TPP1: variants seen among roughly 807,000 people sequenced by gnomAD.
TPP1 encodes tripeptidyl-peptidase 1.
TPP1 carries 43 observed loss-of-function variants against 67.6 expected under a neutral mutation model. The observed-to-expected ratio is 0.64, with a 90% CI of 0.50 to 0.82. The LOEUF (loss-of-function observed/expected upper bound fraction) is 0.82, where lower values mean the gene tolerates loss of function less well. Among genes scored for constraint, TPP1 ranks in the 40% least tolerant of loss-of-function variants. TPP1 has a pLI of 0.00. For missense variants in TPP1, 671 were observed against 710.9 expected (o/e 0.94, Z 0.64); for synonymous variants, 272 against 281.5 (o/e 0.97, Z 0.34).
chr11:6,616,410 TCTCCATAG>T lies in TPP1; in HGVS notation c.972_979del (p.Ser324ArgfsTer2), dbSNP rs778232650. On this transcript the variant is annotated frameshift_variant, in exon 8 of 13. Coordinates refer to ENST00000299427, the MANE Select transcript of TPP1 (RefSeq NM_000391.4). LOFTEE classifies it high-confidence loss of function. ...GGCGCTGCTGAGGGAGTCCTCATCA[TCTCCATAG>T]CTCACAGTATGCACATGTGGCAGGG... 1.2e-6 allele frequency: 2 copies of T among 1,613,792 alleles called. No homozygotes were observed. Among genetic ancestry groups the T allele is most frequent in the Non-Finnish European group, 1.7e-6 (2 of 1,179,956 alleles).
In TPP1 at chr11:6,614,992, C is replaced by A; in HGVS notation, c.1426-1G>T. The A allele has an allele frequency of 6.2e-7, 1 of 1,614,094 alleles. No homozygotes were observed. The highest frequency in any genetic ancestry group is 8.5e-7 in the Non-Finnish European group (1 of 1,180,024). ...TCCCCCCAAACACTGGAGTAGAGGCCTACAAGAGTGAAGGTGCAAGTAGAG... is the reference window on the plus strand; with the variant it reads ...TCCCCCCAAACACTGGAGTAGAGGCATACAAGAGTGAAGGTGCAAGTAGAG... On this transcript the variant is annotated splice_acceptor_variant, in intron 11 of 12. Transcript: ENST00000299427. LOFTEE classifies it high-confidence loss of function.
chr11:6,615,379 A>T (rs764434423), intron 10 of TPP1, 50 bp from the exon 11 acceptor site: 1 of 1,614,140 alleles, frequency 6.2e-7, no homozygotes, highest in South Asian at 1.1e-5. Flanking sequence ...CCCAGCAGTC[A>T]GCTGAACTGA....
chr11:6,618,587 T>C, intron 3 of TPP1, 189 bp downstream of exon 3: 1 of 742,440 alleles, frequency 1.3e-6, no homozygotes, highest in Admixed American at 2.3e-5. Flanking sequence ...AGCTAGTAAG[T>C]AGCAGAGTCA....
In TPP1 at chr11:6,614,477, G is replaced by C; in HGVS notation, c.*69C>G. The stretch of plus-strand genomic sequence containing the variant: ...TGAGGGTTCAGCAGGGCTTCCAACA[G>C]GGCAGAATAAGGGACTGAACTGCCA... On this transcript the variant is annotated 3_prime_UTR_variant, in exon 13 of 13. Coordinates refer to ENST00000299427, the MANE Select transcript of TPP1 (RefSeq NM_000391.4). The C allele has an allele frequency of 6.2e-7, 1 of 1,605,530 alleles. No individual in the cohort carries two copies. The highest frequency in any genetic ancestry group is 8.5e-7 in the Non-Finnish European group (1 of 1,172,962).
At chr11:6,619,112 C>A (rs1855630434) in intron 2 of TPP1, 84 bp downstream of exon 2, 1 of 1,556,260 alleles carries the variant, frequency 6.4e-7, no homozygotes, top group African/African-American at 1.4e-5. Context: ...GGAGCTGGCA[C>A]GGGGGTGAGA....
Position 6,619,387 on chromosome 11 carries a change from G to T in TPP1, c.14C>A (p.Ala5Asp), listed in dbSNP as rs138976576. 2,186 of 1,614,190 alleles carry T rather than the reference G, an allele frequency of 1.4e-3. 2 individuals carry two copies. Among genetic ancestry groups the T allele is most frequent in the Non-Finnish European group, 1.6e-3 (1,863 of 1,180,026 alleles). ...CCGAGCCCTCTCAATTTCTCACCAG[G>T]CTTGGAGTCCCATTCTGCCCTTCCG... Reference protein sequence around the residue: MGLQACLLGLFALIL... With the variant: MGLQDCLLGLFALIL... The change falls in exon 1 of 13, where the codon GCC becomes GAC. Residue 5 changes from alanine to aspartate, a missense_variant. Coordinates refer to ENST00000299427, the MANE Select transcript of TPP1 (RefSeq NM_000391.4).
chr11:6,619,091 A>G, intron 2 of TPP1, 105 bp downstream of exon 2: 1 of 1,483,254 alleles, frequency 6.7e-7, no homozygotes, highest in Non-Finnish European at 9.3e-7. Flanking sequence ...GAAGCTATGG[A>G]GTGCGTACTA....
rs776937435 is a variant in TPP1 at position 6,618,803 on chromosome 11, C to T, written c.202G>A (p.Val68Met). ...TATTGAGGAGAGCTGGGATCCGACA[C>T]AGCCTGCACCAGCTCCGAGAGTCTT... ...VERLSELVQA[V>M]SDPSSPQYGK... is the part of the protein sequence containing the mutation. The change falls in exon 3 of 13, where the codon GTG (valine) becomes ATG (methionine). Residue 68 changes from valine to methionine, a missense_variant. Coordinates refer to ENST00000299427, the MANE Select transcript of TPP1 (RefSeq NM_000391.4). The T allele has an allele frequency of 1.2e-6, 2 of 1,613,936 alleles. No homozygotes were observed. Among genetic ancestry groups the T allele is most frequent in the Admixed American group, 1.7e-5 (1 of 60,008 alleles).
rs1369971085 is a variant in TPP1 at position 6,614,884 on chromosome 11, A to G, written c.1533T>C (p.His511=). The G allele has an allele frequency of 3.1e-6, 5 of 1,613,996 alleles. No homozygotes were observed. The highest frequency in any genetic ancestry group is 4.2e-6 in the Non-Finnish European group (5 of 1,180,024). Residue 511 remains histidine, a synonymous_variant, in exon 12 of 13, where the codon CAT becomes CAC. Transcript: ENST00000299427. ...TACTTACATCAAAGAGTCCTGCCCC[A>G]TGCTGCTGGTAGAGCCTTGGGTTGA... is the stretch of plus-strand genomic sequence containing the variant. The part of the protein sequence containing the change: ...GFLNPRLYQQ[H]GAGLFDVTRG...
At position 6,619,287 on chromosome 11, in the gene TPP1, G is replaced by A. The variant is rs774998356; in HGVS notation, c.18-20C>T. 6.2e-7 allele frequency: 1 copy of A among 1,614,228 alleles called. No individual in the cohort carries two copies. On this transcript the variant is annotated intron_variant, in intron 1 of 12. Coordinates refer to ENST00000299427, the MANE Select transcript of TPP1 (RefSeq NM_000391.4). ...AGGAGGCTGTAGGGGCAGCAGGTGG[G>A]TTTCAGTGGGAGCTACGTTGTCCTT... is the stretch of plus-strand genomic sequence containing the variant.
chr11:6,615,094 C>T, intron 11 of TPP1, 77 bp downstream of exon 11: 2 of 1,613,762 alleles, frequency 1.2e-6, no homozygotes, highest in South Asian at 2.2e-5. Context: ...GTCAGGGGTT[C>T]TAGGTGCAAG....
In TPP1 at chr11:6,619,395, T is replaced by A. The variant is rs747594496; in HGVS notation, c.6A>T (p.Gly2=). ...TCTCAATTTCTCACCAGGCTTGGAG[T>A]CCCATTCTGCCCTTCCGCGGATCTG... M[G]LQACLLGLFA... The change falls in exon 1 of 13, where the codon GGA becomes GGT. Residue 2 remains glycine (G), a synonymous_variant. Coordinates refer to ENST00000299427, the MANE Select transcript of TPP1 (RefSeq NM_000391.4). 1.5e-5 allele frequency: 25 copies of A among 1,613,932 alleles called. No individual in the cohort carries two copies. The Admixed American group carries it at 1.7e-4, about 11-fold the overall frequency.
In TPP1 at chr11:6,616,918, G is replaced by C. The variant is rs1026021273; in HGVS notation, c.687+57C>G. On this transcript the variant is annotated intron_variant, in intron 6 of 12. Transcript: ENST00000299427. ...CGAGGGTGAGTCCCAGGGTGGTAAG[G>C]AATTGAGGACACTGTGGGGAGGCTA... 188 of 1,613,916 alleles carry C rather than the reference G, an allele frequency of 1.2e-4. 1 individual carries two copies. The highest frequency in any genetic ancestry group is 1.6e-4 in the Non-Finnish European group (187 of 1,179,936).
intron 5 of TPP1, 63 bp from the exon 6 acceptor site, chr11:6,617,216 C>G (rs765868109): frequency 6.2e-7 from 1 of 1,613,796 alleles, no homozygotes; most frequent in Non-Finnish European, 8.5e-7. Context: ...TACAACTCAC[C>G]CCACCCCCAG....
At chr11:6,615,835 T>C (rs1564854638) in intron 9 of TPP1, 170 bp downstream of exon 9, 2 of 842,034 alleles carry the variant, frequency 2.4e-6, no homozygotes, top group Non-Finnish European at 3.9e-6. Flanking sequence ...CACAAGAGAT[T>C]TGGGGCCTGG....
At position 6,614,596 on chromosome 11, in the gene TPP1, A is replaced by G. The variant is rs1348967263; in HGVS notation, c.1642T>C (p.Trp548Arg). 6.2e-7 allele frequency: 1 copy of G among 1,614,046 alleles called. No individual in the cohort carries two copies. Among genetic ancestry groups the G allele is most frequent in the Non-Finnish European group, 8.5e-7 (1 of 1,180,026 alleles). The change falls in exon 13 of 13, where the codon TGG (tryptophan) becomes CGG (arginine). Residue 548 changes from tryptophan to arginine, a missense_variant. Transcript: ENST00000299427. ...SGPGWDPVTGWGTPNFPALLK... is the reference protein window; with the variant it reads ...SGPGWDPVTGRGTPNFPALLK... Reference sequence around the variant, plus strand: ...AAAGCTGGGAAGTTGGGTGTTCCCCAGCCTGTTACAGGATCCCAGCCAGGA... The same window carrying G: ...AAAGCTGGGAAGTTGGGTGTTCCCCGGCCTGTTACAGGATCCCAGCCAGGA...
intron 3 of TPP1, chr11:6,618,572 C>G (rs1380609081): frequency 4.4e-6 from 3 of 680,174 alleles, no homozygotes; most frequent in Non-Finnish European, 7.5e-6. Flanking sequence ...TACTAGATGC[C>G]TGGTAGCTAG....
Position 6,619,277 on chromosome 11 carries a change from C to A in TPP1, c.18-10G>T, listed in dbSNP as rs778206032. On this transcript the variant is annotated splice_polypyrimidine_tract_variant and intron_variant, in intron 1 of 12. Coordinates refer to ENST00000299427, the MANE Select transcript of TPP1 (RefSeq NM_000391.4). ...AAAGAGCCCTAGGAGGCTGTAGGGG[C>A]AGCAGGTGGGTTTCAGTGGGAGCTA... 23 of 1,614,080 alleles carry A rather than the reference C, an allele frequency of 1.4e-5. No homozygotes were observed. The highest frequency in any genetic ancestry group is 1.0e-4 in the Admixed American group (6 of 60,008).
chr11:6,615,289 A>G lies in TPP1; in HGVS notation c.1307T>C (p.Leu436Pro), dbSNP rs150039898. The G allele has an allele frequency of 5.3e-5, 86 of 1,614,210 alleles. No homozygotes were observed. The African/African-American group carries it at 9.5e-4, about 18-fold the overall frequency. The change falls in exon 11 of 13, where the codon CTG becomes CCG. Residue 436 changes from leucine to proline, a missense_variant. Physicochemically the swap from Leu to Pro is moderately conservative, Grantham distance 98. Transcript: ENST00000299427. The stretch of plus-strand genomic sequence containing the variant: ...GGCATTGAAGTAACTGGATGGTGGC[A>G]GGTGGGGGCTAGAGCTCAGGAACTT... Reference protein sequence around the residue: ...VTKFLSSSPHLPPSSYFNASG... With the variant: ...VTKFLSSSPHPPPSSYFNASG...
Sources: allele counts gnomAD v4.1 joint callset, GRCh38; gene constraint gnomAD v4.1.1; transcripts MANE v1.5; gene names NCBI Gene and HGNC (gene_info 2026-07-23, HGNC 2026-07-21).